The following TCF7L1 variants were observed in gnomAD, a reference collection of about 807,000 sequenced individuals.
TCF7L1 encodes transcription factor 7 like 1.
A neutral mutation model predicts 63.7 loss-of-function variants in TCF7L1; 18 were observed. That is an observed-to-expected ratio of 0.28 (90% CI 0.20 to 0.42). The LOEUF (loss-of-function observed/expected upper bound fraction) is 0.42. Among genes scored for constraint, TCF7L1 ranks in the 10% least tolerant of loss-of-function variants. The pLI is 1.00. For synonymous variants in TCF7L1, 355 were observed against 340.9 expected, an observed-to-expected ratio of 1.04 and a Z score of -0.46; for missense variants, 654 against 779.3, an observed-to-expected ratio of 0.84 and a Z score of 1.91.
chr2:85,246,193 G>C (rs1680460097), intron 3 of TCF7L1, among the ~76,000 whole-genome samples: 1 of 152,220 alleles, frequency 6.6e-6, no homozygotes, highest in Admixed American at 6.5e-5. Flanking sequence ...CAACACAGTT[G>C]GGTGTAGTTT....
intron 3 of TCF7L1, among the ~76,000 whole-genome samples, chr2:85,144,782 G>A (rs1473156680): frequency 2.7e-5 from 4 of 147,924 alleles, no homozygotes; most frequent in South Asian, 2.1e-4. Context: ...TGTTTAAGAT[G>A]GTTAGAAATC....
At chr2:85,283,247 G>T (rs1205964763) in intron 3 of TCF7L1, among the ~76,000 whole-genome samples, 1 of 133,910 alleles carries the variant, frequency 7.5e-6, no homozygotes, top group Non-Finnish European at 1.6e-5. Flanking sequence ...TTAAAGTTCA[G>T]CTTAGTTGTC....
At chr2:85,254,776 TAAG>T (rs1680671222) in intron 3 of TCF7L1, among the ~76,000 whole-genome samples, 1 of 152,040 alleles carries the variant, frequency 6.6e-6, no homozygotes, top group Non-Finnish European at 1.5e-5. Flanking sequence ...GCATTAGTAC[TAAG>T]AAGAGAATGA....
At chr2:85,291,933 C>T (rs962510654) in intron 4 of TCF7L1, among the ~76,000 whole-genome samples, 6 of 151,534 alleles carry the variant, frequency 4.0e-5, no homozygotes, top group Non-Finnish European at 8.8e-5. Context: ...CTTGACCTCC[C>T]AGGCTCAAGT....
At chr2:85,189,568 G>A (rs539419248) in intron 3 of TCF7L1, among the ~76,000 whole-genome samples, 1 of 152,370 alleles carries the variant, frequency 6.6e-6, no homozygotes, top group South Asian at 2.1e-4. Flanking sequence ...GGTGGGGGTA[G>A]GGGTGCTGTA....
At chr2:85,145,064 CAAA>C (rs779081805) in intron 3 of TCF7L1, among the ~76,000 whole-genome samples, 3 of 90,228 alleles carry the variant, frequency 3.3e-5, no homozygotes, top group Non-Finnish European at 4.8e-5. Flanking sequence ...GACTTTGTTT[CAAA>C]AAAAAAAAAA....
At chr2:85,193,238 G>A (rs924872925) in intron 3 of TCF7L1, among the ~76,000 whole-genome samples, 13 of 152,276 alleles carry the variant, frequency 8.5e-5, no homozygotes, top group African/African-American at 2.2e-4. Context: ...TCCAATCTGC[G>A]TAGACAGTAA....
chr2:85,134,497 G>A lies in TCF7L1; in HGVS notation c.441+47G>A, dbSNP rs767575987. On this transcript the variant is annotated intron_variant, in intron 3 of 11. Transcript: ENST00000282111. The surrounding 1 kb of genome is among the most constrained non-coding windows in gnomAD (Gnocchi z 5.0). ...CGGGGAGGGTGGGAGGCCGCGGCCC[G>A]CAGGATGCGCCCCCGGGCTTGGCCA... is the stretch of plus-strand genomic sequence containing the variant. 5.8e-6 allele frequency: 9 copies of A among 1,540,214 alleles called. No individual in the cohort carries two copies. In the Admixed American group the frequency reaches 1.2e-4, roughly 21 times the overall value.
chr2:85,305,181 G>C (rs1180800297), intron 7 of TCF7L1, 79 bp from the exon 8 acceptor site: 7 of 1,594,184 alleles, frequency 4.4e-6, no homozygotes, highest in Admixed American at 1.7e-5. Flanking sequence ...TTAAGGCAGA[G>C]AGCCACCGTG....
intron 3 of TCF7L1, among the ~76,000 whole-genome samples, chr2:85,200,554 C>T (rs776884223): frequency 6.6e-6 from 1 of 152,334 alleles, no homozygotes; most frequent in East Asian, 1.9e-4. Flanking sequence ...GGCAACTACA[C>T]AGCTGCAGAC....
intron 3 of TCF7L1, chr2:85,167,192 C>G (rs1271863189): frequency 6.5e-6 from 1 of 152,672 alleles, no homozygotes; most frequent in East Asian, 1.9e-4. Context: ...CTGCAAGTAT[C>G]ATTCTCCCAC....
At chr2:85,144,596 T>C (rs914052158) in intron 3 of TCF7L1, among the ~76,000 whole-genome samples, 1 of 151,906 alleles carries the variant, frequency 6.6e-6, no homozygotes, top group East Asian at 1.9e-4. Context: ...AGTAAGACCC[T>C]GTCTCAAAAA....
chr2:85,273,453 A>G (rs545231921), intron 3 of TCF7L1, among the ~76,000 whole-genome samples: 8 of 152,222 alleles, frequency 5.3e-5, no homozygotes, highest in Non-Finnish European at 1.0e-4. Context: ...AGAGTAATGG[A>G]AACTCCAGTG....
Position 85,282,833 on chromosome 2 carries a change from T to TGTGTGTGTGC in TCF7L1, c.442-653_442-652insCGTGTGTGTG, listed in dbSNP as rs1553406666. Among the ~76,000 whole-genome samples the TGTGTGTGTGC allele has an allele frequency of 2.0e-5, 3 of 150,266 alleles. No individual in the cohort carries two copies. In the East Asian group the frequency reaches 5.8e-4, roughly 29 times the overall value. On this transcript the variant is annotated intron_variant, in intron 3 of 11. Transcript: ENST00000282111. ...GTGTGTGTGTGTGTGTGTGTGTGTG[T>TGTGTGTGTGC]GTGTGTGTGTTGGGGAAGTACTGTT...
intron 3 of TCF7L1, chr2:85,262,162 C>T: frequency 1.8e-6 from 1 of 546,716 alleles, no homozygotes. Flanking sequence ...TTCGTATACT[C>T]ATTAAAACCA....
intron 3 of TCF7L1, among the ~76,000 whole-genome samples, chr2:85,206,306 G>T (rs1194225839): frequency 1.3e-5 from 2 of 152,242 alleles, no homozygotes; most frequent in African/African-American, 4.8e-5. Flanking sequence ...GAGACGCTCT[G>T]CAGTCACTCT....
intron 3 of TCF7L1, among the ~76,000 whole-genome samples, chr2:85,267,352 A>G (rs939389363): frequency 2.0e-5 from 3 of 147,930 alleles, no homozygotes; most frequent in African/African-American, 7.5e-5. Flanking sequence ...AAAAAAAAAA[A>G]AGAGTTGGCC....
intron 5 of TCF7L1, among the ~76,000 whole-genome samples, 197 bp downstream of exon 5, chr2:85,302,813 A>G (rs937906623): frequency 6.6e-6 from 1 of 151,582 alleles, no homozygotes; most frequent in Admixed American, 6.6e-5. Context: ...CTTCTCCACC[A>G]TAGGGTCACG....
At chr2:85,238,184 C>T (rs925241197) in intron 3 of TCF7L1, among the ~76,000 whole-genome samples, 2 of 152,134 alleles carry the variant, frequency 1.3e-5, no homozygotes, top group African/African-American at 2.4e-5. Flanking sequence ...ACTAACAGTC[C>T]ATAAGTGCAT....
Sources: gnomAD v4.1 joint callset for allele counts (sites outside exome capture counted in the v4.1 genomes callset) on GRCh38, gnomAD v4.1.1 for gene constraint, Gnocchi (gnomAD v3.1) non-coding constraint, MANE v1.5 for transcripts, NCBI Gene and HGNC (gene_info 2026-07-23, HGNC 2026-07-21) for gene names.